Variants in CTTNBP2 observed in about 807,000 individuals in gnomAD.
CTTNBP2 encodes the protein cortactin-binding protein 2.
A neutral mutation model predicts 156.9 loss-of-function variants in CTTNBP2; 108 were observed. The ratio of observed to expected loss-of-function variants is 0.69; its 90% CI spans 0.59 to 0.81. The LOEUF (loss-of-function observed/expected upper bound fraction) is 0.81, where lower values mean the gene tolerates loss of function less well. Ranked by LOEUF, CTTNBP2 falls within the 30% of genes least tolerant of loss-of-function variation. CTTNBP2 has a pLI of 0.00. For synonymous variants in CTTNBP2, 767 were observed against 751.8 expected (o/e 1.02, Z -0.33); for missense variants, 1,924 against 2,035.4 (o/e 0.95, Z 1.05).
At chr7:117,865,307 C>G (rs1584583984) in intron 1 of CTTNBP2, among the ~76,000 whole-genome samples, 1 of 151,474 alleles carries the variant, frequency 6.6e-6, no homozygotes, top group Non-Finnish European at 1.5e-5. Flanking sequence ...TTGCTTTTCC[C>G]AATTAAAAAA....
chr7:117,849,531 G>A (rs1802807904), intron 2 of CTTNBP2, among the ~76,000 whole-genome samples: 2 of 152,032 alleles, frequency 1.3e-5, no homozygotes, highest in Admixed American at 1.3e-4. Flanking sequence ...GCACATAAAT[G>A]CTTCAGCTTG....
In CTTNBP2 at chr7:117,774,184, C is replaced by T. The variant is rs190915893; in HGVS notation, c.2778+3327G>A. Among the ~76,000 whole-genome samples, 1,114 of 152,070 alleles carry T rather than the reference C, an allele frequency of 7.3e-3. 11 individuals are homozygous for T. The highest frequency in any genetic ancestry group is 0.013 in the Non-Finnish European group (884 of 67,976). Reference sequence around the variant, plus strand: ...AGGCCAGCTGTAGAGAGAGGTTTTCCGATGACATTTAATGGTGGTCTGCAC... The same window carrying T: ...AGGCCAGCTGTAGAGAGAGGTTTTCTGATGACATTTAATGGTGGTCTGCAC... On this transcript the variant is annotated intron_variant, in intron 8 of 22. Coordinates refer to ENST00000160373, the MANE Select transcript of CTTNBP2 (RefSeq NM_033427.3).
At chr7:117,832,715 C>G (rs1359822017) in intron 2 of CTTNBP2, among the ~76,000 whole-genome samples, 1 of 142,354 alleles carries the variant, frequency 7.0e-6, no homozygotes, top group African/African-American at 2.6e-5. Context: ...ACCAATCAAT[C>G]TATAGCCCTT....
intron 2 of CTTNBP2, among the ~76,000 whole-genome samples, chr7:117,829,285 C>T (rs1347156196): frequency 6.6e-6 from 1 of 152,174 alleles, no homozygotes; most frequent in Non-Finnish European, 1.5e-5. Flanking sequence ...CTTTAATGTC[C>T]TTAGTCTCTC....
At chr7:117,817,387 T>TATATATATATATATATATAA (rs1563037916) in intron 2 of CTTNBP2, among the ~76,000 whole-genome samples, 3 of 116,110 alleles carry the variant, frequency 2.6e-5, no homozygotes, top group East Asian at 2.6e-4. Context: ...TATATATATA[T>TATATATATATATATATATAA]AATTTCATCA....
chr7:117,855,384 A>T (rs1208634307), intron 2 of CTTNBP2, among the ~76,000 whole-genome samples: 1 of 152,228 alleles, frequency 6.6e-6, no homozygotes, highest in Non-Finnish European at 1.5e-5. Context: ...AAGTGCTGGG[A>T]TCACAGGTGT....
At chr7:117,720,523 G>A (rs181085920) in intron 20 of CTTNBP2, among the ~76,000 whole-genome samples, 86 of 152,050 alleles carry the variant, frequency 5.7e-4, no homozygotes, top group Admixed American at 3.4e-3. Context: ...GTGAAACGCC[G>A]TCTCTACTAA....
intron 3 of CTTNBP2, among the ~76,000 whole-genome samples, chr7:117,800,119 T>C (rs548684605): frequency 1.3e-5 from 2 of 152,024 alleles, no homozygotes; most frequent in Admixed American, 1.3e-4. Context: ...TGCAAACTTT[T>C]GGAGAAGCCA....
intron 1 of CTTNBP2, among the ~76,000 whole-genome samples, chr7:117,863,783 A>G (rs1413527166): frequency 1.3e-5 from 2 of 152,236 alleles, no homozygotes; most frequent in African/African-American, 4.8e-5. Context: ...TCATGTAGAG[A>G]GGAATGGGGT....
At chr7:117,724,798 T>C in intron 18 of CTTNBP2, 66 bp from the exon 19 acceptor site, 7 of 1,553,814 alleles carry the variant, frequency 4.5e-6, no homozygotes, top group Non-Finnish European at 6.2e-6. Flanking sequence ...TACATTTCCG[T>C]TTCTCAAAGA....
intron 1 of CTTNBP2, among the ~76,000 whole-genome samples, chr7:117,862,074 CAT>C (rs1491520996): frequency 5.3e-5 from 8 of 152,048 alleles, no homozygotes; most frequent in African/African-American, 1.7e-4. Context: ...CACACACACA[CAT>C]ACACAGTACA....
intron 14 of CTTNBP2, among the ~76,000 whole-genome samples, chr7:117,741,682 G>A (rs1331462688): frequency 1.3e-5 from 2 of 152,078 alleles, no homozygotes; most frequent in Admixed American, 1.3e-4. Flanking sequence ...ACCTAGAGTG[G>A]AGTATTTTGT....
At chr7:117,831,888 C>T (rs562648473) in intron 2 of CTTNBP2, among the ~76,000 whole-genome samples, 63 of 152,284 alleles carry the variant, frequency 4.1e-4, no homozygotes, top group Non-Finnish European at 6.9e-4. Context: ...CTTTGCCCCT[C>T]TCTAAGGTTA....
At chr7:117,818,917 G>C (rs1181031389) in intron 2 of CTTNBP2, among the ~76,000 whole-genome samples, 1 of 152,116 alleles carries the variant, frequency 6.6e-6, no homozygotes, top group Admixed American at 6.6e-5. Context: ...GCATTTGATT[G>C]GAACAAAATC....
chr7:117,768,297 C>T (rs1003246861), intron 8 of CTTNBP2, among the ~76,000 whole-genome samples: 1 of 151,940 alleles, frequency 6.6e-6, no homozygotes, highest in African/African-American at 2.4e-5. Flanking sequence ...TGTGGTGGCT[C>T]ATGTCTGTAA....
intron 3 of CTTNBP2, among the ~76,000 whole-genome samples, chr7:117,797,182 T>A (rs751721123): frequency 5.9e-5 from 9 of 152,140 alleles, no homozygotes; most frequent in Non-Finnish European, 1.3e-4. Flanking sequence ...TTTACCAGCA[T>A]CCTTGTTTGA....
Position 117,861,228 on chromosome 7 carries a change from A to C in CTTNBP2, c.170T>G (p.Leu57Arg). 6.2e-7 allele frequency: 1 copy of C among 1,612,710 alleles called. No homozygotes were observed. The highest frequency in any genetic ancestry group is 8.5e-7 in the Non-Finnish European group (1 of 1,179,104). The change falls in exon 2 of 23, where the codon CTT (leucine) becomes CGT (arginine). Residue 57 changes from leucine (L) to arginine (R), a missense_variant. Physicochemically the swap from Leu to Arg is moderately radical, Grantham distance 102. Transcript: ENST00000160373. ...VMEGELEARD[L>R]VIEALRARRK... ...CCTTACCCGCAGGGCCTCGATGACA[A>C]GGTCTCTGGCCTCCAGCTCCCCTTC...
intron 2 of CTTNBP2, among the ~76,000 whole-genome samples, chr7:117,830,790 AG>A: frequency 6.6e-6 from 1 of 152,228 alleles, no homozygotes; most frequent in Non-Finnish European, 1.5e-5. Flanking sequence ...TGCTCTGCAC[AG>A]AAAATAAACA....
chr7:117,731,365 T>A (rs1187711586), intron 16 of CTTNBP2, among the ~76,000 whole-genome samples: 1 of 152,218 alleles, frequency 6.6e-6, no homozygotes, highest in Non-Finnish European at 1.5e-5. Context: ...TGAACACGTT[T>A]TTTTAAAATA....
Sources: allele counts gnomAD v4.1 joint callset (sites outside exome capture counted in the v4.1 genomes callset), GRCh38; gene constraint gnomAD v4.1.1; transcripts MANE v1.5; gene names NCBI Gene and HGNC (gene_info 2026-07-23, HGNC 2026-07-21).